The following GLG1 variants were observed in gnomAD, a reference collection of about 807,000 sequenced individuals.
The protein encoded by GLG1 is Golgi apparatus protein 1.
In GLG1, 38 loss-of-function variants were observed where a neutral mutation model predicts 160.5. The ratio of observed to expected loss-of-function variants is 0.24; its 90% confidence interval spans 0.18 to 0.31. The LOEUF (loss-of-function observed/expected upper bound fraction) is 0.31, where lower values mean the gene tolerates loss of function less well. Ranked by LOEUF, GLG1 falls within the 10% of genes least tolerant of loss-of-function variation. The pLI, the probability that GLG1 is intolerant of heterozygous loss-of-function variation, is 1.00. For synonymous variants in GLG1, 644 were observed against 543.4 expected (o/e 1.19, Z -2.57); for missense variants, 1,373 against 1,505.2 (o/e 0.91, Z 1.45).
At chr16:74,557,192 C>T (rs1056998024) in intron 1 of GLG1, among the ~76,000 whole-genome samples, 3 of 152,206 alleles carry the variant, frequency 2.0e-5, no homozygotes, top group African/African-American at 4.8e-5. Context: ...TTTGATAAAA[C>T]AGCTTTGTAA....
At chr16:74,495,769 G>T (rs2016163435) in intron 5 of GLG1, among the ~76,000 whole-genome samples, 1 of 152,148 alleles carries the variant, frequency 6.6e-6, no homozygotes, top group African/African-American at 2.4e-5. Context: ...AGACTTCCAA[G>T]AACTGAAATT....
intron 1 of GLG1, among the ~76,000 whole-genome samples, chr16:74,555,099 G>C (rs571579917): frequency 1.3e-5 from 2 of 152,138 alleles, no homozygotes; most frequent in Non-Finnish European, 2.9e-5. Context: ...AAAAACAGTT[G>C]TAACTGTGCT....
At chr16:74,576,235 G>A (rs950453351) in intron 1 of GLG1, among the ~76,000 whole-genome samples, 4 of 151,932 alleles carry the variant, frequency 2.6e-5, no homozygotes, top group African/African-American at 9.7e-5. Flanking sequence ...AGTCTGTGGT[G>A]TCATACATAC....
chr16:74,571,246 T>C (rs895919200), intron 1 of GLG1, among the ~76,000 whole-genome samples: 2 of 152,170 alleles, frequency 1.3e-5, no homozygotes, highest in Admixed American at 6.6e-5. Context: ...ACAGCTGACC[T>C]GCCAAGTGAC....
chr16:74,600,225 A>T (rs1403463852), intron 1 of GLG1, among the ~76,000 whole-genome samples: 1 of 151,984 alleles, frequency 6.6e-6, no homozygotes, highest in Non-Finnish European at 1.5e-5. Flanking sequence ...TCATGAGTTC[A>T]CGTATATTTC....
intron 23 of GLG1, 125 bp downstream of exon 23, chr16:74,459,556 AG>A: frequency 1.5e-6 from 1 of 652,570 alleles, no homozygotes; most frequent in Non-Finnish European, 2.7e-6. Context: ...CAGCAAGAAA[AG>A]AGTGCTGGGC....
chr16:74,477,425 A>G lies in GLG1; in HGVS notation c.1936T>C (p.Trp646Arg). 1 of 1,612,758 alleles carries G rather than the reference A, an allele frequency of 6.2e-7. No homozygotes were observed. The highest frequency in any genetic ancestry group is 8.5e-7 in the Non-Finnish European group (1 of 1,178,864). ...QDKCLIDLGK[W>R]CSEKTETGQE... ...CCAGTCTCTGTTTTCTCACTGCACCATTTTCCCAGATCAATCAGGCACTTA... is the reference window on the plus strand; with the variant it reads ...CCAGTCTCTGTTTTCTCACTGCACCGTTTTCCCAGATCAATCAGGCACTTA... The change falls in exon 12 of 26, where the codon TGG becomes CGG. Residue 646 changes from tryptophan to arginine, a missense_variant. Physicochemically the swap from Trp to Arg is moderately radical, Grantham distance 101 (BLOSUM62 -3). Around this residue, in one of 4 missense-constraint regions of GLG1, gnomAD observed 386 missense variants for 388.5 expected, o/e 0.99. Coordinates refer to ENST00000422840, the MANE Select transcript of GLG1 (RefSeq NM_001145667.2).
At chr16:74,489,557 G>A (rs1301042937) in intron 8 of GLG1, among the ~76,000 whole-genome samples, 1 of 152,044 alleles carries the variant, frequency 6.6e-6, no homozygotes, top group African/African-American at 2.4e-5. Flanking sequence ...AATATAGGCT[G>A]TCTCCTGATT....
chr16:74,452,038 C>A lies in GLG1; in HGVS notation c.*1129G>T. ...AAAGGAGCTTGTCTGGGAAGTTTGT[C>A]TGGAGTGTGCAGAAAGGTCAGGCTG... On this transcript the variant is annotated 3_prime_UTR_variant, in exon 26 of 26. Coordinates refer to ENST00000422840, the MANE Select transcript of GLG1 (RefSeq NM_001145667.2). 6.3e-7 allele frequency: 1 copy of A among 1,586,682 alleles called. No individual in the cohort carries two copies. The highest frequency in any genetic ancestry group is 8.7e-7 in the Non-Finnish European group (1 of 1,154,918).
intron 1 of GLG1, among the ~76,000 whole-genome samples, chr16:74,595,136 G>A (rs1036972591): frequency 1.6e-4 from 24 of 145,688 alleles, no homozygotes; most frequent in African/African-American, 3.3e-4. Flanking sequence ...TGCAGTGAGC[G>A]GAGATCGCGC....
intron 21 of GLG1, 81 bp from the exon 22 acceptor site, chr16:74,462,276 A>AAAC (rs1014247193): frequency 1.2e-6 from 1 of 836,586 alleles, no homozygotes; most frequent in African/African-American, 1.7e-5. Flanking sequence ...AAAAAAAAAC[A>AAAC]AACAACAACA....
rs369162070 is a variant in GLG1 at position 74,595,703 on chromosome 16, T to C, written c.438+10954A>G. On this transcript the variant is annotated intron_variant, in intron 1 of 25. Transcript: ENST00000422840. ...TTTTCTTCTAGATCAGTGCTATTCA[T>C]AAGTATGTGAGACACATACATAATT... Among the ~76,000 whole-genome samples, 9 of 152,392 alleles carry C rather than the reference T, an allele frequency of 5.9e-5. No individual in the cohort carries two copies. In the East Asian group the frequency reaches 7.7e-4, roughly 13 times the overall value.
intron 1 of GLG1, among the ~76,000 whole-genome samples, chr16:74,547,636 G>T (rs1279796737): frequency 6.6e-6 from 1 of 152,244 alleles, no homozygotes; most frequent in Non-Finnish European, 1.5e-5. Flanking sequence ...TGCTTTGAAT[G>T]AAAGTGCTTT....
At chr16:74,499,278 T>C (rs2016323388) in intron 4 of GLG1, among the ~76,000 whole-genome samples, 1 of 152,178 alleles carries the variant, frequency 6.6e-6, no homozygotes, top group Admixed American at 6.5e-5. Context: ...TCTTGCTCTG[T>C]TGCCCAGGCT....
intron 1 of GLG1, among the ~76,000 whole-genome samples, chr16:74,597,878 T>TG (rs1958343861): frequency 7.4e-6 from 1 of 135,726 alleles, no homozygotes; most frequent in African/African-American, 2.8e-5. Flanking sequence ...AAGCTGGACA[T>TG]GGTGGTGTGT....
chr16:74,491,884 C>T (rs1043457597), intron 7 of GLG1, among the ~76,000 whole-genome samples: 7 of 151,366 alleles, frequency 4.6e-5, no homozygotes, highest in Admixed American at 6.6e-5. Flanking sequence ...ACCTCGGCCT[C>T]CCAAAGTGCT....
chr16:74,479,448 A>G (rs1559449), intron 11 of GLG1, among the ~76,000 whole-genome samples: 95,105 of 127,950 alleles, frequency 0.74, 31,683 homozygotes, highest in East Asian at 0.83. Context: ...TATGGAGAGA[A>G]AAAAAAAAAA....
chr16:74,587,422 G>C (rs1958078959), intron 1 of GLG1, among the ~76,000 whole-genome samples: 1 of 152,192 alleles, frequency 6.6e-6, no homozygotes, highest in African/African-American at 2.4e-5. Flanking sequence ...TCTGTACTGA[G>C]AATGGTCACA....
chr16:74,524,853 G>C (rs1469120621), intron 2 of GLG1, among the ~76,000 whole-genome samples: 1 of 152,106 alleles, frequency 6.6e-6, no homozygotes, highest in African/African-American at 2.4e-5. Context: ...GTATCTATTA[G>C]CAGTCACCTA....
Sources: gnomAD v4.1 joint callset for allele counts (sites outside exome capture counted in the v4.1 genomes callset) on GRCh38, gnomAD v4.1.1 for gene constraint, gnomAD v4.1.1 regional missense constraint, MANE v1.5 for transcripts, NCBI Gene and HGNC (gene_info 2026-07-23, HGNC 2026-07-21) for gene names.